UGP2: variants seen among roughly 807,000 people sequenced by gnomAD.
UGP2 encodes UDP-glucose pyrophosphorylase 2, also known as UTP--glucose-1-phosphate uridylyltransferase.
UGP2 carries 40 observed loss-of-function variants against 49.0 expected under a neutral mutation model. That is an observed-to-expected ratio of 0.82 (90% CI 0.63 to 1.06). The LOEUF is 1.06. Among genes scored for constraint, UGP2 ranks in the 50% least tolerant of loss-of-function variants. The pLI, the probability that UGP2 is intolerant of heterozygous loss-of-function variation, is 0.00. For synonymous variants in UGP2, 225 were observed against 213.0 expected (o/e 1.06, Z -0.49); for missense variants, 460 against 603.5 (o/e 0.76, Z 2.49).
rs532651164 is a variant in UGP2, at chr2:63,888,337, T to C, written c.1314+693T>C. 3 of 152,366 alleles carry C rather than the reference T, an allele frequency of 2.0e-5. No individual in the cohort carries two copies. The South Asian group carries it at 6.2e-4, about 32-fold the overall frequency. 9.4% of individuals were successfully genotyped at this position (152,366 alleles called of 1,614,324 possible). A position where few individuals can be genotyped will look rare whatever the true frequency, so the allele number is the denominator to read the frequency against. ...GAAACTGCCACAGTAAGCAGAACAA[T>C]GTGTAACACATTTTGCCATAGGCTA... is the stretch of plus-strand genomic sequence containing the variant. On this transcript the variant is annotated intron_variant, in intron 8 of 9. Coordinates refer to ENST00000337130, the MANE Select transcript of UGP2 (RefSeq NM_006759.4).
intron 3 of UGP2, among the ~76,000 whole-genome samples, chr2:63,861,703 A>C (rs1034372731): frequency 6.6e-6 from 1 of 151,148 alleles, no homozygotes; most frequent in Non-Finnish European, 1.5e-5. Context: ...AAAAAAAAAA[A>C]CAAAAAAACG....
intron 3 of UGP2, among the ~76,000 whole-genome samples, chr2:63,870,522 C>A (rs929064326): frequency 2.0e-5 from 3 of 152,070 alleles, no homozygotes; most frequent in Admixed American, 6.6e-5. Flanking sequence ...GTCTATTGAT[C>A]CAGTATTTTA....
Position 63,852,018 on chromosome 2 carries a change from T to G in UGP2, c.20-4288T>G, listed in dbSNP as rs1439595753. Among the ~76,000 whole-genome samples the G allele has an allele frequency of 2.6e-5, 4 of 152,170 alleles. No individual in the cohort carries two copies. In the East Asian group the frequency reaches 7.7e-4, roughly 29 times the overall value. On this transcript the variant is annotated intron_variant, in intron 1 of 9. Transcript: ENST00000337130. ...CAGTGAGGAACACCTTTCTCCAAAG[T>G]GCTGTGACAGATTATACCCTTATGG...
intron 8 of UGP2, chr2:63,888,248 A>G (rs1255641668): frequency 6.5e-6 from 1 of 153,912 alleles, no homozygotes; most frequent in East Asian, 1.9e-4. Context: ...TCTAGTGCAA[A>G]AAGTGTTCTA....
chr2:63,886,087 T>C (rs1192384153), intron 6 of UGP2, among the ~76,000 whole-genome samples: 2 of 152,216 alleles, frequency 1.3e-5, no homozygotes, highest in Non-Finnish European at 2.9e-5. Flanking sequence ...ACATCAGTAA[T>C]TTTAACTAAA....
At chr2:63,883,934 A>C in intron 4 of UGP2, 26 bp from the exon 5 acceptor site, 4 of 1,586,362 alleles carry the variant, frequency 2.5e-6, no homozygotes, top group Non-Finnish European at 3.4e-6. Context: ...GAGTCTGGGT[A>C]ATCTAATTGT....
chr2:63,878,597 G>A, intron 3 of UGP2, among the ~76,000 whole-genome samples: 1 of 152,136 alleles, frequency 6.6e-6, no homozygotes. Context: ...CAGAACGTGG[G>A]CAGATATTTG....
chr2:63,887,365 CCT>C (rs768314455), intron 7 of UGP2, 35 bp from the exon 8 acceptor site: 21 of 1,611,332 alleles, frequency 1.3e-5, no homozygotes, highest in East Asian at 2.2e-5. Flanking sequence ...GTGCCTAAAA[CCT>C]CTGTTTTCTA....
chr2:63,842,925 C>T (rs1415129638), intron 1 of UGP2, among the ~76,000 whole-genome samples: 1 of 152,136 alleles, frequency 6.6e-6, no homozygotes, highest in Non-Finnish European at 1.5e-5. Context: ...ACGGTGTACT[C>T]ACTGAAATTG....
At position 63,882,476 on chromosome 2, in the gene UGP2, A is replaced by T. The variant is rs747311749; in HGVS notation, c.266A>T (p.Tyr89Phe). 6.3e-6 allele frequency: 10 copies of T among 1,580,514 alleles called. No individual in the cohort carries two copies. The South Asian group carries it at 9.4e-5, about 15-fold the overall frequency. ...TTATTTTTCTTTCAGATTCAACCCT[A>T]TGAAAAGATAAAGGCCAGGGGCTTG... ...QRPPEDSIQP[Y>F]EKIKARGLPD... is the part of the protein sequence containing the mutation. The change falls in exon 4 of 10, where the codon TAT (tyrosine) becomes TTT (phenylalanine). Residue 89 changes from tyrosine to phenylalanine, a missense_variant. By Grantham distance (22) the Tyr-to-Phe change is conservative. Around this residue, in one of 2 missense-constraint regions of UGP2, gnomAD observed 143 missense variants for 130.4 expected, o/e 1.10. Transcript: ENST00000337130.
At chr2:63,853,910 G>C (rs1239436130) in intron 1 of UGP2, among the ~76,000 whole-genome samples, 2 of 152,154 alleles carry the variant, frequency 1.3e-5, no homozygotes, top group African/African-American at 2.4e-5. Flanking sequence ...ATCTGAAATT[G>C]ACTTAAAGTG....
At chr2:63,868,121 G>A (rs777172178) in intron 3 of UGP2, among the ~76,000 whole-genome samples, 3 of 152,204 alleles carry the variant, frequency 2.0e-5, no homozygotes, top group Non-Finnish European at 4.4e-5. Context: ...CAAGATAAAT[G>A]TAAGAGGTAG....
chr2:63,844,945 T>C lies in UGP2; in HGVS notation c.19+2741T>C, dbSNP rs374909916. The stretch of plus-strand genomic sequence containing the variant: ...CTTCTAACATTAACAACTGTGGAAA[T>C]GGCCTGTTTCTCCAGCTAGACTGTC... On this transcript the variant is annotated intron_variant, in intron 1 of 9. Transcript: ENST00000337130. Among the ~76,000 whole-genome samples, 5 of 152,322 alleles carry C rather than the reference T, an allele frequency of 3.3e-5. No homozygotes were observed. The East Asian group carries it at 7.7e-4, about 23-fold the overall frequency.
Position 63,891,111 on chromosome 2 carries a change from G to A in UGP2, c.1420-9G>A. The stretch of plus-strand genomic sequence containing the variant: ...GCAAGTACACTCTTTTGTTTTCCCT[G>A]TCACTTAGGGAACGGTTATCATCAT... On this transcript the variant is annotated splice_polypyrimidine_tract_variant and intron_variant, in intron 9 of 9. Coordinates refer to ENST00000337130, the MANE Select transcript of UGP2 (RefSeq NM_006759.4). 6.2e-7 allele frequency: 1 copy of A among 1,607,158 alleles called. No homozygotes were observed. The highest frequency in any genetic ancestry group is 1.3e-5 in the African/African-American group (1 of 74,698).
At chr2:63,851,190 A>T (rs901066140) in intron 1 of UGP2, among the ~76,000 whole-genome samples, 3 of 152,246 alleles carry the variant, frequency 2.0e-5, no homozygotes, top group African/African-American at 7.2e-5. Flanking sequence ...AACTACTATT[A>T]TATGAGAATT....
chr2:63,864,515 C>G (rs992316367), intron 3 of UGP2, among the ~76,000 whole-genome samples: 1 of 152,218 alleles, frequency 6.6e-6, no homozygotes, highest in Non-Finnish European at 1.5e-5. Flanking sequence ...ACTCAGATAA[C>G]TCTAGGAGCT....
At chr2:63,869,126 G>C (rs527931633) in intron 3 of UGP2, among the ~76,000 whole-genome samples, 1 of 152,186 alleles carries the variant, frequency 6.6e-6, no homozygotes, top group South Asian at 2.1e-4. Flanking sequence ...TAGTAAAGAA[G>C]TGGACAATAA....
rs115319421 is a variant in UGP2 at position 63,890,960 on chromosome 2, A to G, written c.1420-160A>G. ...GATTGTTACAGAAGGACACATTACA[A>G]TTTTCCTTAACTGTTATTTGTTTTT... On this transcript the variant is annotated intron_variant, in intron 9 of 9. Transcript: ENST00000337130. 7.3e-3 allele frequency among the ~76,000 whole-genome samples: 1,109 copies of G among 152,188 alleles called. 6 individuals carry two copies. The highest frequency in any genetic ancestry group is 0.012 in the Non-Finnish European group (828 of 68,016).
At chr2:63,856,572 G>T (rs968413862) in intron 2 of UGP2, 139 bp downstream of exon 2, 1 of 961,772 alleles carries the variant, frequency 1.0e-6, no homozygotes, top group Non-Finnish European at 1.5e-6. Flanking sequence ...AAAAAAATTA[G>T]AATTGCTTAA....
Sources: gnomAD v4.1 joint callset for allele counts (sites outside exome capture counted in the v4.1 genomes callset) on GRCh38, gnomAD v4.1.1 for gene constraint, gnomAD v4.1.1 regional missense constraint, MANE v1.5 for transcripts, NCBI Gene and HGNC (gene_info 2026-07-23, HGNC 2026-07-21) for gene names.